Variants in LHPP observed in about 807,000 individuals in gnomAD.
LHPP encodes the protein hLHPP.
Under a neutral mutation model 30.3 loss-of-function variants are expected in LHPP, and 24 were observed. The observed-to-expected ratio is 0.79, with a 90% CI of 0.57 to 1.11. LHPP has a LOEUF of 1.11. Among genes scored for constraint, LHPP ranks in the 50% most tolerant of loss-of-function variants. LHPP has a pLI of 0.00. For synonymous variants in LHPP, 150 were observed against 157.1 expected (o/e 0.95, Z 0.34); for missense variants, 356 against 367.2 (o/e 0.97, Z 0.25).
chr10:124,476,675 G>A (rs528763808), intron 1 of LHPP, among the ~76,000 whole-genome samples: 9 of 152,318 alleles, frequency 5.9e-5, no homozygotes, highest in Admixed American at 6.5e-5. Context: ...CAGTGTGGGC[G>A]TCCCCGGGGC....
At chr10:124,529,817 A>G (rs1003739691) in intron 6 of LHPP, among the ~76,000 whole-genome samples, 8 of 151,456 alleles carry the variant, frequency 5.3e-5, no homozygotes, top group African/African-American at 1.9e-4. Context: ...ACACACGCAC[A>G]CACACACACA....
chr10:124,574,923 AC>A (rs1366838190), intron 6 of LHPP, among the ~76,000 whole-genome samples: 1 of 151,866 alleles, frequency 6.6e-6, no homozygotes, highest in East Asian at 1.9e-4. Context: ...GTGGCCTTAA[AC>A]CCAGCCAGAT....
intron 6 of LHPP, among the ~76,000 whole-genome samples, chr10:124,573,866 G>GCAT (rs1948620317): frequency 6.6e-6 from 1 of 152,144 alleles, no homozygotes; most frequent in African/African-American, 2.4e-5. Context: ...GTGGGGGGAT[G>GCAT]CAGCTTGCCA....
intron 4 of LHPP, 48 bp from the exon 5 acceptor site, chr10:124,497,988 C>T (rs751426295): frequency 6.8e-7 from 1 of 1,462,792 alleles, no homozygotes; most frequent in Non-Finnish European, 9.6e-7. Flanking sequence ...GGGCATACAC[C>T]TGTTCCTTGA....
chr10:124,469,067 C>T (rs9630117), intron 1 of LHPP, among the ~76,000 whole-genome samples: 20,573 of 152,208 alleles, frequency 0.14, 1,787 homozygotes, highest in Non-Finnish European at 0.18. Flanking sequence ...GCCACGGGGG[C>T]GAGTGGCCCT....
chr10:124,498,019 C>T lies in LHPP; in HGVS notation c.532-17C>T. ...CTTGATCCCAAACTTATGCCATGTC[C>T]CTCTCTCTTTTCCCAGTATGCCTGT... On this transcript the variant is annotated splice_polypyrimidine_tract_variant and intron_variant, in intron 4 of 6. Transcript: ENST00000368842. 6 of 1,602,016 alleles carry T rather than the reference C, an allele frequency of 3.7e-6. No individual in the cohort carries two copies. The highest frequency in any genetic ancestry group is 5.1e-6 in the Non-Finnish European group (6 of 1,168,878).
chr10:124,480,483 A>G (rs377566667), intron 1 of LHPP, among the ~76,000 whole-genome samples: 174 of 152,294 alleles, frequency 1.1e-3, no homozygotes, highest in African/African-American at 4.0e-3. Flanking sequence ...TCACTGTCAC[A>G]TCGATTGCTC....
chr10:124,567,049 G>A (rs1948502953), intron 6 of LHPP, among the ~76,000 whole-genome samples: 1 of 152,316 alleles, frequency 6.6e-6, no homozygotes, highest in African/African-American at 2.4e-5. Flanking sequence ...GAGAGGGAGG[G>A]CGGGGGTCCA....
intron 5 of LHPP, among the ~76,000 whole-genome samples, chr10:124,502,667 C>CTTTTTTTT (rs1190430106): frequency 2.8e-5 from 2 of 71,308 alleles, no homozygotes; most frequent in Admixed American, 2.1e-4. Flanking sequence ...CACGCCCAGC[C>CTTTTTTTT]TTTTTTTTTT....
chr10:124,508,628 A>G (rs1168427731), intron 5 of LHPP, among the ~76,000 whole-genome samples: 1 of 151,780 alleles, frequency 6.6e-6, no homozygotes, highest in East Asian at 1.9e-4. Context: ...TTTCTTCTCA[A>G]AACACAAGTA....
In LHPP at chr10:124,590,968, GGGCCTGA is replaced by G. The variant is rs1948876380; in HGVS notation, c.717-22294_717-22288del. The stretch of plus-strand genomic sequence containing the variant: ...GACAGAAGCAGTCTCGCCCATCCTG[GGGCCTGA>G]GAGCATCATTCCTTTGTGAGACTCA... On this transcript the variant is annotated intron_variant, in intron 6 of 6. Coordinates refer to ENST00000368842, the MANE Select transcript of LHPP (RefSeq NM_022126.4). This position sits in a 1 kb window ranked among gnomAD's most constrained non-coding sequence, Gnocchi z 4.3. Among the ~76,000 whole-genome samples, 1 of 152,220 alleles carries G rather than the reference GGGCCTGA, an allele frequency of 6.6e-6. No individual in the cohort carries two copies. Among genetic ancestry groups the G allele is most frequent in the Non-Finnish European group, 1.5e-5 (1 of 68,038 alleles).
At chr10:124,490,432 G>A in intron 3 of LHPP, 1 of 333,378 alleles carries the variant, frequency 3.0e-6, no homozygotes. Flanking sequence ...CTGAGAGACT[G>A]CCTGGCCTTC....
intron 6 of LHPP, among the ~76,000 whole-genome samples, chr10:124,597,132 G>A (rs559891200): frequency 3.3e-5 from 5 of 152,300 alleles, no homozygotes; most frequent in South Asian, 4.1e-4. Context: ...TGGAGCTCTC[G>A]GGAGGTGTCG....
chr10:124,606,511 G>A (rs1243880921), intron 6 of LHPP, among the ~76,000 whole-genome samples: 1 of 152,216 alleles, frequency 6.6e-6, no homozygotes, highest in Admixed American at 6.5e-5. Context: ...CCAGCGCCAG[G>A]GTGAGCTGCA....
chr10:124,570,790 G>A (rs979475715), intron 6 of LHPP, among the ~76,000 whole-genome samples: 1 of 152,244 alleles, frequency 6.6e-6, no homozygotes, highest in East Asian at 1.9e-4. Context: ...GTTACGGTGT[G>A]TATCAGAGTT....
intron 6 of LHPP, among the ~76,000 whole-genome samples, chr10:124,535,050 C>T (rs1954989653): frequency 6.6e-6 from 1 of 152,178 alleles, no homozygotes; most frequent in South Asian, 2.1e-4. Flanking sequence ...ATTGTGTGGC[C>T]ATAGGTGGTT....
intron 6 of LHPP, among the ~76,000 whole-genome samples, chr10:124,601,959 C>T (rs1195006546): frequency 1.3e-5 from 2 of 152,216 alleles, no homozygotes; most frequent in Non-Finnish European, 2.9e-5. Context: ...ACTCCTTCTC[C>T]AGGTCCCGTT....
At chr10:124,591,946 C>A (rs956286803) in intron 6 of LHPP, among the ~76,000 whole-genome samples, 1 of 152,116 alleles carries the variant, frequency 6.6e-6, no homozygotes, top group Non-Finnish European at 1.5e-5. Context: ...TGTTTAGGAA[C>A]AATTTAAGAT....
intron 6 of LHPP, among the ~76,000 whole-genome samples, chr10:124,612,051 G>A (rs977987829): frequency 6.6e-6 from 1 of 152,184 alleles, no homozygotes; most frequent in Non-Finnish European, 1.5e-5. Context: ...CTGGCTCACA[G>A]CCCTCCAGGC....
Sources: allele counts gnomAD v4.1 joint callset (sites outside exome capture counted in the v4.1 genomes callset), GRCh38; gene constraint gnomAD v4.1.1; non-coding constraint Gnocchi (gnomAD v3.1); transcripts MANE v1.5; gene names NCBI Gene and HGNC (gene_info 2026-07-23, HGNC 2026-07-21).